ABCA4: variants seen among roughly 807,000 people sequenced by gnomAD.
The protein encoded by ABCA4 is retinal-specific phospholipid-transporting ATPase ABCA4.
Under a neutral mutation model 263.7 loss-of-function variants are expected in ABCA4, and 196 were observed. That is an observed-to-expected ratio of 0.74 (90% CI 0.66 to 0.84). The LOEUF (loss-of-function observed/expected upper bound fraction) is 0.84, where lower values mean the gene tolerates loss of function less well. Ranked by LOEUF, ABCA4 falls within the 40% of genes least tolerant of loss-of-function variation. ABCA4 has a pLI of 0.00. For missense variants in ABCA4, 2,792 were observed against 2,855.1 expected (o/e 0.98, Z 0.50); for synonymous variants, 1,133 against 1,094.2 (o/e 1.04, Z -0.70).
At chr1:94,056,476 G>T in intron 15 of ABCA4, 125 bp downstream of exon 15, 1 of 1,073,006 alleles carries the variant, frequency 9.3e-7, no homozygotes, top group South Asian at 1.4e-5. Context: ...AGCCTCACGT[G>T]AACTTTTTAA....
Position 94,079,785 on chromosome 1 carries a change from A to G in ABCA4, c.1100-324T>C, listed in dbSNP as rs370510494. ...GGCCTTTCTCAGATGAAAGGGACTGAGAGGCCAAACAAGGCCCCCGCTTGG... is the reference window on the plus strand; with the variant it reads ...GGCCTTTCTCAGATGAAAGGGACTGGGAGGCCAAACAAGGCCCCCGCTTGG... On this transcript the variant is annotated intron_variant, in intron 8 of 49. Coordinates refer to ENST00000370225, the MANE Select transcript of ABCA4 (RefSeq NM_000350.3). Among the ~76,000 whole-genome samples, 100 of 152,316 alleles carry G rather than the reference A, an allele frequency of 6.6e-4. 1 individual carries two copies. In the South Asian group the frequency reaches 0.017, roughly 25 times the overall value.
At position 94,030,481 on chromosome 1, in the gene ABCA4, G is replaced by A; in HGVS notation, c.4299C>T (p.Val1433=). 1.2e-6 allele frequency: 2 copies of A among 1,614,242 alleles called. No homozygotes were observed. The highest frequency in any genetic ancestry group is 1.7e-6 in the Non-Finnish European group (2 of 1,180,048). The change falls in exon 29 of 50, where the codon GTC becomes GTT. Residue 1433 remains valine, a synonymous_variant. Coordinates refer to ENST00000370225, the MANE Select transcript of ABCA4 (RefSeq NM_000350.3). ...GSEQFTVLAD[V]LLNKPGFGNR... is the part of the protein sequence containing the mutation. ...TGCCAAAGCCTGGCTTATTCAGGAG[G>A]ACGTCTGCAAGTACCGTGAACTGCT...
chr1:94,045,856 C>A, intron 19 of ABCA4: 2 of 456,272 alleles, frequency 4.4e-6, no homozygotes, highest in South Asian at 1.5e-5. Flanking sequence ...GGGTTCGCTG[C>A]CCCCTGCGAG....
intron 6 of ABCA4, among the ~76,000 whole-genome samples, chr1:94,092,795 C>G (rs140169263): frequency 6.9e-6 from 1 of 144,520 alleles, no homozygotes; most frequent in Non-Finnish European, 1.6e-5. Flanking sequence ...ATGAGACAGA[C>G]CTTCTCCTAG....
chr1:94,078,723 A>C lies in ABCA4; in HGVS notation c.1240-17T>G. The stretch of plus-strand genomic sequence containing the variant: ...TGAGTTGGCCTAAAACCAGACAGAG[A>C]TCAAGACAGAGACACGAACAGAGAG... On this transcript the variant is annotated splice_polypyrimidine_tract_variant and intron_variant, in intron 9 of 49. Coordinates refer to ENST00000370225, the MANE Select transcript of ABCA4 (RefSeq NM_000350.3). 1 of 1,547,512 alleles carries C rather than the reference A, an allele frequency of 6.5e-7. No homozygotes were observed. Among genetic ancestry groups the C allele is most frequent in the Non-Finnish European group, 8.9e-7 (1 of 1,118,582 alleles).
chr1:93,998,774 C>A (rs188603597), intron 47 of ABCA4, among the ~76,000 whole-genome samples: 1 of 129,464 alleles, frequency 7.7e-6, no homozygotes, highest in Non-Finnish European at 1.6e-5. Flanking sequence ...ACAGTCTCAC[C>A]GTTGCCCAGG....
At chr1:94,035,974 C>T (rs1287226570) in intron 26 of ABCA4, among the ~76,000 whole-genome samples, 9 of 152,074 alleles carry the variant, frequency 5.9e-5, no homozygotes, top group Non-Finnish European at 1.0e-4. Flanking sequence ...TTTTCAAAGC[C>T]CATAGACCAC....
intron 11 of ABCA4, among the ~76,000 whole-genome samples, chr1:94,069,941 A>G (rs536831358): frequency 6.6e-6 from 1 of 152,328 alleles, no homozygotes; most frequent in South Asian, 2.1e-4. Context: ...AATGAAACAA[A>G]TAAAAAGATC....
At position 94,113,068 on chromosome 1, in the gene ABCA4, T is replaced by C. The variant is rs398123339; in HGVS notation, c.67-2A>G. ...CACGAGTTCCACCACAAAGCGAATCTGGAAAAACAAAACAAAAAGAGAGAA... is the reference window on the plus strand; with the variant it reads ...CACGAGTTCCACCACAAAGCGAATCCGGAAAAACAAAACAAAAAGAGAGAA... On this transcript the variant is annotated splice_acceptor_variant, in intron 1 of 49. Coordinates refer to ENST00000370225, the MANE Select transcript of ABCA4 (RefSeq NM_000350.3). LOFTEE classifies it high-confidence loss of function. The C allele has an allele frequency of 6.2e-7, 1 of 1,613,898 alleles. No homozygotes were observed. Among genetic ancestry groups the C allele is most frequent in the Non-Finnish European group, 8.5e-7 (1 of 1,179,846 alleles).
rs968253838 is a variant in ABCA4 at position 94,073,497 on chromosome 1, G to C, written c.1554+4193C>G. On this transcript the variant is annotated intron_variant, in intron 11 of 49. Coordinates refer to ENST00000370225, the MANE Select transcript of ABCA4 (RefSeq NM_000350.3). ...AGCAGTGTTTTTTGGCTTGTATTTT[G>C]TTAAAAAGCTAATATTTATTAAGTG... is the stretch of plus-strand genomic sequence containing the variant. Among the ~76,000 whole-genome samples, 5 of 152,144 alleles carry C rather than the reference G, an allele frequency of 3.3e-5. No individual in the cohort carries two copies. In the South Asian group the frequency reaches 1.0e-3, roughly 32 times the overall value.
At chr1:94,116,142 A>G (rs1271289982) in intron 1 of ABCA4, among the ~76,000 whole-genome samples, 1 of 152,200 alleles carries the variant, frequency 6.6e-6, no homozygotes, top group Admixed American at 6.5e-5. Context: ...GGTGACTTAA[A>G]GGCCTCCTCT....
At chr1:94,102,977 T>G in intron 5 of ABCA4, 38 bp downstream of exon 5, 1 of 1,613,880 alleles carries the variant, frequency 6.2e-7, no homozygotes, top group Non-Finnish European at 8.5e-7. Flanking sequence ...GGTGCTTCCC[T>G]CCCCTCCAGG....
At chr1:94,103,253 T>C in intron 4 of ABCA4, 111 bp from the exon 5 acceptor site, 1 of 1,425,164 alleles carries the variant, frequency 7.0e-7, no homozygotes, top group Non-Finnish European at 9.8e-7. Context: ...AGAGGAAGGT[T>C]CTGTTCTTGG....
chr1:94,045,611 G>T, intron 19 of ABCA4: 1 of 389,736 alleles, frequency 2.6e-6, no homozygotes, highest in Non-Finnish European at 5.2e-6. Context: ...ATGCAGGGCC[G>T]CCACACCCAG....
Position 94,011,400 on chromosome 1 carries a change from T to C in ABCA4, c.5461-15A>G. The stretch of plus-strand genomic sequence containing the variant: ...CTGAGCAGCGTCTGAAACAGAGAAG[T>C]AGGACTGTTGGAAACGGGGCAAACC... On this transcript the variant is annotated splice_polypyrimidine_tract_variant and intron_variant, in intron 38 of 49. Coordinates refer to ENST00000370225, the MANE Select transcript of ABCA4 (RefSeq NM_000350.3). The C allele has an allele frequency of 6.2e-7, 1 of 1,612,724 alleles. No individual in the cohort carries two copies. The highest frequency in any genetic ancestry group is 8.5e-7 in the Non-Finnish European group (1 of 1,179,504).
rs765178838 is a variant in ABCA4 at position 94,025,054 on chromosome 1, G to A, written c.4540-6C>T. ...TCCGTGCTGCGCTGTGTTCTCTGAG[G>A]CAATGAGACACCCACGTTAATTACC... is the stretch of plus-strand genomic sequence containing the variant. On this transcript the variant is annotated splice_region_variant and splice_polypyrimidine_tract_variant and intron_variant, in intron 30 of 49. Transcript: ENST00000370225. 154 of 1,612,576 alleles carry A rather than the reference G, an allele frequency of 9.5e-5. No individual in the cohort carries two copies. The highest frequency in any genetic ancestry group is 1.2e-4 in the Non-Finnish European group (146 of 1,178,680).
At chr1:94,005,689 C>T in intron 43 of ABCA4, 107 bp from the exon 44 acceptor site, 1 of 1,134,112 alleles carries the variant, frequency 8.8e-7, no homozygotes, top group Non-Finnish European at 1.3e-6. Flanking sequence ...GCTGCTTCTT[C>T]TCTTCTCCTA....
chr1:94,049,787 C>G (rs1660783798), intron 17 of ABCA4, among the ~76,000 whole-genome samples: 2 of 151,964 alleles, frequency 1.3e-5, no homozygotes, highest in Admixed American at 1.3e-4. Flanking sequence ...TTAATACAAG[C>G]CTGGACAAAT....
rs1054210292 is a variant in ABCA4 at position 94,031,806 on chromosome 1, A to T, written c.4100T>A (p.Ile1367Asn). ...CGCCAGGAAGTCCTTGTGGCTGCGG[A>T]TGGTGTGTTGGAATCTCTTGACCAG... The part of the protein sequence containing the change: ...ALLVKRFQHT[I>N]RSHKDFLAQI... Residue 1367 changes from isoleucine to asparagine, a missense_variant, in exon 27 of 50, where the codon ATC becomes AAC. By Grantham distance (149) the Ile-to-Asn change is moderately radical. Transcript: ENST00000370225. The T allele has an allele frequency of 6.2e-7, 1 of 1,613,884 alleles. No homozygotes were observed.
Sources: allele counts gnomAD v4.1 joint callset (sites outside exome capture counted in the v4.1 genomes callset), GRCh38; gene constraint gnomAD v4.1.1; transcripts MANE v1.5; gene names NCBI Gene and HGNC (gene_info 2026-07-23, HGNC 2026-07-21).